The following CNTNAP4 variants were observed in gnomAD, a reference collection of about 807,000 sequenced individuals.
The protein encoded by CNTNAP4 is contactin-associated protein-like 4.
Under a neutral mutation model 148.4 loss-of-function variants are expected in CNTNAP4, and 98 were observed. That is an observed-to-expected ratio of 0.66 (90% CI 0.56 to 0.78). The LOEUF (loss-of-function observed/expected upper bound fraction) is 0.78. CNTNAP4 is among the 30% of genes least tolerant of loss of function. CNTNAP4 has a pLI of 0.00. For synonymous variants in CNTNAP4, 730 were observed against 565.1 expected (o/e 1.29, Z -4.14); for missense variants, 1,935 against 1,565.6 (o/e 1.24, Z -3.98).
In CNTNAP4 at chr16:76,353,287, CT is replaced by C. The variant is rs1283329937; in HGVS notation, c.197-2030del. Reference sequence around the variant, plus strand: ...GTATAGTAAGAAACAGGGATTATACCTGAATGCAAGCAGTCATTAGTGTGAT... The same window carrying C: ...GTATAGTAAGAAACAGGGATTATACCGAATGCAAGCAGTCATTAGTGTGAT... On this transcript the variant is annotated intron_variant, in intron 2 of 23. Transcript: ENST00000611870. Among the ~76,000 whole-genome samples, 3 of 152,226 alleles carry C rather than the reference CT, an allele frequency of 2.0e-5. No homozygotes were observed. In the East Asian group the frequency reaches 5.8e-4, roughly 29 times the overall value.
At position 76,523,355 on chromosome 16, in the gene CNTNAP4, G is replaced by A. The variant is rs1433944806; in HGVS notation, c.2755+1098G>A. ...GTTTGACAGTTTCACCAGTTCCTCT[G>A]CTATTTTCCCTCATTTTGCCCATTT... On this transcript the variant is annotated intron_variant, in intron 17 of 23. Transcript: ENST00000611870. Among the ~76,000 whole-genome samples the A allele has an allele frequency of 2.0e-5, 3 of 151,040 alleles. No homozygotes were observed. The East Asian group carries it at 5.9e-4, about 30-fold the overall frequency.
At chr16:76,515,395 A>G (rs944689792) in intron 15 of CNTNAP4, among the ~76,000 whole-genome samples, 11 of 152,160 alleles carry the variant, frequency 7.2e-5, no homozygotes, top group Non-Finnish European at 2.9e-5. Flanking sequence ...CCCTAATTCA[A>G]TAGGACCAGT....
rs779389324 is a variant in CNTNAP4, at chr16:76,521,108, A to T, written c.2366-32A>T. On this transcript the variant is annotated intron_variant, in intron 15 of 23. Coordinates refer to ENST00000611870, the MANE Select transcript of CNTNAP4 (RefSeq NM_033401.5). The stretch of plus-strand genomic sequence containing the variant: ...TTTCATGAATTTGTTTTCTTTCTGA[A>T]TTTTTTTTTCTTTTTTTTTTTCACA... 7.4e-6 allele frequency: 11 copies of T among 1,478,288 alleles called. No homozygotes were observed. The African/African-American group carries it at 1.5e-4, about 21-fold the overall frequency. 91.6% of individuals were successfully genotyped at this position (1,478,288 alleles called of 1,614,324 possible). A position where few individuals can be genotyped will look rare whatever the true frequency, so the allele number is the denominator to read the frequency against.
At chr16:76,467,285 G>C in intron 9 of CNTNAP4, 67 bp from the exon 10 acceptor site, 2 of 1,379,202 alleles carry the variant, frequency 1.5e-6, no homozygotes, top group South Asian at 2.5e-5. Flanking sequence ...TTTTTTAAAT[G>C]AAGTTATCTA....
intron 2 of CNTNAP4, among the ~76,000 whole-genome samples, chr16:76,327,556 T>C (rs1178136066): frequency 6.6e-6 from 1 of 152,218 alleles, no homozygotes; most frequent in Non-Finnish European, 1.5e-5. Context: ...CCTGTCTCTC[T>C]CTCAGCCAGA....
intron 8 of CNTNAP4, among the ~76,000 whole-genome samples, chr16:76,461,544 T>C (rs369762522): frequency 1.3e-5 from 2 of 152,324 alleles, no homozygotes; most frequent in African/African-American, 4.8e-5. Flanking sequence ...TGATTGATGG[T>C]ATAGTTTGCT....
chr16:76,554,928 T>C (rs2085127168), intron 23 of CNTNAP4, among the ~76,000 whole-genome samples: 1 of 152,112 alleles, frequency 6.6e-6, no homozygotes, highest in South Asian at 2.1e-4. Flanking sequence ...TTTAGTTCTC[T>C]TTCCCATTTC....
intron 3 of CNTNAP4, among the ~76,000 whole-genome samples, chr16:76,356,322 C>T (rs2012643851): frequency 1.3e-5 from 2 of 151,816 alleles, no homozygotes; most frequent in Admixed American, 1.3e-4. Flanking sequence ...TATATGCATA[C>T]ACATGTACGC....
intron 10 of CNTNAP4, 113 bp downstream of exon 10, chr16:76,467,636 C>T: frequency 1.1e-6 from 1 of 870,632 alleles, no homozygotes. Flanking sequence ...ATCTGTTCCA[C>T]AGGAAATGAA....
intron 3 of CNTNAP4, among the ~76,000 whole-genome samples, chr16:76,358,321 G>A (rs750776548): frequency 1.3e-5 from 2 of 152,156 alleles, no homozygotes; most frequent in Non-Finnish European, 2.9e-5. Context: ...GGGTGACAGA[G>A]CAAGACTCCA....
intron 2 of CNTNAP4, among the ~76,000 whole-genome samples, chr16:76,343,897 A>G (rs1964694587): frequency 6.6e-6 from 1 of 152,078 alleles, no homozygotes; most frequent in Non-Finnish European, 1.5e-5. Flanking sequence ...TTTTCTCTAC[A>G]TTTTTCATAA....
chr16:76,552,689 A>G (rs942721537), intron 21 of CNTNAP4, among the ~76,000 whole-genome samples: 1 of 152,198 alleles, frequency 6.6e-6, no homozygotes, highest in African/African-American at 2.4e-5. Flanking sequence ...TACATGAGTA[A>G]TTAGGGAAAG....
At chr16:76,278,335 C>G (rs1304138090) in intron 1 of CNTNAP4, among the ~76,000 whole-genome samples, 2 of 152,156 alleles carry the variant, frequency 1.3e-5, no homozygotes, top group African/African-American at 4.8e-5. Flanking sequence ...TTAGCGCTCT[C>G]CGGAAAGAGG....
At position 76,346,494 on chromosome 16, in the gene CNTNAP4, T is replaced by C. The variant is rs952547750; in HGVS notation, c.197-8824T>C. Among the ~76,000 whole-genome samples, 8 of 151,918 alleles carry C rather than the reference T, an allele frequency of 5.3e-5. No individual in the cohort carries two copies. In the South Asian group the frequency reaches 6.2e-4, roughly 12 times the overall value. ...AAATGGTTTTTAAATTTCTGGGATA[T>C]TGCCAGTAGGCTCTCTCCGATGCAT... On this transcript the variant is annotated intron_variant, in intron 2 of 23. Coordinates refer to ENST00000611870, the MANE Select transcript of CNTNAP4 (RefSeq NM_033401.5).
At position 76,513,153 on chromosome 16, in the gene CNTNAP4, G is replaced by A. The variant is rs543861643; in HGVS notation, c.2366-7987G>A. Among the ~76,000 whole-genome samples the A allele has an allele frequency of 1.1e-3, 160 of 152,248 alleles. 1 individual carries two copies. Among genetic ancestry groups the A allele is most frequent in the African/African-American group, 3.5e-3 (147 of 41,554 alleles). On this transcript the variant is annotated intron_variant, in intron 15 of 23. Coordinates refer to ENST00000611870, the MANE Select transcript of CNTNAP4 (RefSeq NM_033401.5). The stretch of plus-strand genomic sequence containing the variant: ...GTAAATAAATCCCTGCATTGTGGAC[G>A]GTTAATTCATTCTGACAGGAGAAAA...
intron 2 of CNTNAP4, among the ~76,000 whole-genome samples, chr16:76,330,926 T>TA (rs1340406049): frequency 6.6e-6 from 1 of 152,248 alleles, no homozygotes; most frequent in African/African-American, 2.4e-5. Context: ...TAAAAGCATC[T>TA]AAATAGTGCT....
intron 1 of CNTNAP4, among the ~76,000 whole-genome samples, chr16:76,311,254 C>T (rs554646984): frequency 2.0e-5 from 3 of 152,000 alleles, no homozygotes; most frequent in South Asian, 2.1e-4. Context: ...TTTCAGTATA[C>T]CTTGCATCAA....
chr16:76,424,591 T>G (rs1186440907), intron 3 of CNTNAP4, among the ~76,000 whole-genome samples: 1 of 151,704 alleles, frequency 6.6e-6, no homozygotes, highest in Non-Finnish European at 1.5e-5. Context: ...CCATCTCTAG[T>G]AAAAATGCAG....
chr16:76,449,678 A>C, intron 6 of CNTNAP4, 37 bp from the exon 7 acceptor site: 1 of 1,508,294 alleles, frequency 6.6e-7, no homozygotes, highest in East Asian at 2.4e-5. Flanking sequence ...TTAGAAAATC[A>C]CTAAACAATA....
Sources: gnomAD v4.1 joint callset for allele counts (sites outside exome capture counted in the v4.1 genomes callset) on GRCh38, gnomAD v4.1.1 for gene constraint, MANE v1.5 for transcripts, NCBI Gene and HGNC (gene_info 2026-07-23, HGNC 2026-07-21) for gene names.